USP47: variants seen among roughly 807,000 people sequenced by gnomAD.
USP47 encodes ubiquitin specific peptidase 47.
Under a neutral mutation model 165.1 loss-of-function variants are expected in USP47, and 35 were observed. That is an observed-to-expected ratio of 0.21 (90% CI 0.16 to 0.28). The LOEUF (loss-of-function observed/expected upper bound fraction) is 0.28, where lower values mean the gene tolerates loss of function less well. Ranked by LOEUF, USP47 falls within the 10% of genes least tolerant of loss-of-function variation. The pLI is 1.00. For synonymous variants in USP47, 531 were observed against 544.5 expected (o/e 0.98, Z 0.35); for missense variants, 1,277 against 1,607.4 (o/e 0.79, Z 3.52).
intron 3 of USP47, among the ~76,000 whole-genome samples, chr11:11,889,442 G>T (rs963547089): frequency 6.6e-6 from 1 of 152,030 alleles, no homozygotes; most frequent in African/African-American, 2.4e-5. Context: ...GCCAAATCAC[G>T]AATGAACTCC....
rs530195006 is a variant in USP47, at chr11:11,890,174, A to T, written c.358-1794A>T. ...ATTTCATGATGAAATTCCAAAAGCAATTGCAACAAAAGCAAAAATTGACAA... is the reference window on the plus strand; with the variant it reads ...ATTTCATGATGAAATTCCAAAAGCATTTGCAACAAAAGCAAAAATTGACAA... On this transcript the variant is annotated intron_variant, in intron 3 of 27. Coordinates refer to ENST00000527733, the MANE Select transcript of USP47 (RefSeq NM_001282659.2). Among the ~76,000 whole-genome samples the T allele has an allele frequency of 9.8e-4, 150 of 152,334 alleles. 1 individual carries two copies. The highest frequency in any genetic ancestry group is 3.4e-3 in the Middle Eastern group (1 of 294).
At chr11:11,908,654 C>G (rs547858447) in intron 8 of USP47, among the ~76,000 whole-genome samples, 2 of 151,688 alleles carry the variant, frequency 1.3e-5, no homozygotes, top group South Asian at 4.2e-4. Flanking sequence ...TGGGAGACTT[C>G]TGCAGTTTAA....
chr11:11,884,328 G>C (rs1851016914), intron 2 of USP47, 139 bp from the exon 3 acceptor site: 1 of 620,468 alleles, frequency 1.6e-6, no homozygotes, highest in Non-Finnish European at 2.7e-6. Flanking sequence ...GAATAAATGA[G>C]TTAATTCCAA....
At chr11:11,865,861 A>C (rs1240833990) in intron 1 of USP47, among the ~76,000 whole-genome samples, 2 of 151,940 alleles carry the variant, frequency 1.3e-5, no homozygotes, top group African/African-American at 4.8e-5. Flanking sequence ...TCCATTTTTT[A>C]ATCAGGGTGT....
chr11:11,946,308 G>A (rs975687938), intron 20 of USP47, among the ~76,000 whole-genome samples: 7 of 152,106 alleles, frequency 4.6e-5, no homozygotes, highest in Non-Finnish European at 8.8e-5. Context: ...ATTCATTCAG[G>A]CCAGGCCATC....
chr11:11,945,967 G>A (rs1484456997), intron 20 of USP47, among the ~76,000 whole-genome samples: 3 of 150,322 alleles, frequency 2.0e-5, no homozygotes, highest in Non-Finnish European at 4.4e-5. Context: ...AAAAGAAAAG[G>A]AAAAAGAATA....
chr11:11,925,813 TG>T (rs996860163), intron 11 of USP47, among the ~76,000 whole-genome samples: 54 of 152,112 alleles, frequency 3.6e-4, no homozygotes, highest in African/African-American at 1.3e-3. Flanking sequence ...ATCTTTGCTT[TG>T]TTCCCAATCT....
At chr11:11,953,105 A>C (rs1856330300) in intron 25 of USP47, among the ~76,000 whole-genome samples, 1 of 152,176 alleles carries the variant, frequency 6.6e-6, no homozygotes, top group African/African-American at 2.4e-5. Context: ...GCTCCTGGCC[A>C]TTCAGAAGTG....
intron 8 of USP47, among the ~76,000 whole-genome samples, chr11:11,918,217 A>G (rs960423552): frequency 6.6e-6 from 1 of 152,136 alleles, no homozygotes; most frequent in Non-Finnish European, 1.5e-5. Flanking sequence ...AATGAAGAAC[A>G]TCAGACAAAC....
intron 7 of USP47, among the ~76,000 whole-genome samples, chr11:11,904,114 A>T (rs185950657): frequency 5.3e-5 from 8 of 152,326 alleles, no homozygotes; most frequent in Non-Finnish European, 1.0e-4. Flanking sequence ...AGAGAACATC[A>T]CATAAGAGTA....
intron 24 of USP47, chr11:11,952,070 G>C (rs925467131): frequency 6.6e-6 from 1 of 152,216 alleles, no homozygotes; most frequent in African/African-American, 2.4e-5. Flanking sequence ...TTATTGACCT[G>C]TAATTTGCCA....
rs185726605 is a variant in USP47, at chr11:11,865,008, A to G, written c.40-15169A>G. ...CCTCTGTTGTGATGTGATCAGAGAA[A>G]TCTGCTGTCATTTGAATTGTTTTAC... On this transcript the variant is annotated intron_variant, in intron 1 of 27. Transcript: ENST00000527733. 9.9e-5 allele frequency among the ~76,000 whole-genome samples: 15 copies of G among 152,224 alleles called. No homozygotes were observed. In the East Asian group the frequency reaches 2.1e-3, roughly 22 times the overall value.
At chr11:11,911,638 A>T (rs1180431637) in intron 8 of USP47, among the ~76,000 whole-genome samples, 1 of 152,182 alleles carries the variant, frequency 6.6e-6, no homozygotes, top group Non-Finnish European at 1.5e-5. Context: ...AAAAGGAAAA[A>T]GACAAATCTA....
chr11:11,855,465 G>T (rs1848986365), intron 1 of USP47, among the ~76,000 whole-genome samples: 1 of 152,186 alleles, frequency 6.6e-6, no homozygotes, highest in African/African-American at 2.4e-5. Flanking sequence ...TAATTTTCAA[G>T]TATTAGTGTA....
intron 2 of USP47, among the ~76,000 whole-genome samples, chr11:11,884,218 C>T (rs555421572): frequency 1.1e-4 from 16 of 152,128 alleles, no homozygotes; most frequent in East Asian, 1.9e-4. Context: ...TCTTAACTTT[C>T]GCCTTTTCTC....
At chr11:11,882,741 C>T (rs891251327) in intron 2 of USP47, among the ~76,000 whole-genome samples, 2 of 152,106 alleles carry the variant, frequency 1.3e-5, no homozygotes, top group African/African-American at 4.8e-5. Flanking sequence ...CTTATAGTTC[C>T]TTTTTGTTAT....
chr11:11,866,750 A>G (rs1849707468), intron 1 of USP47, among the ~76,000 whole-genome samples: 1 of 152,174 alleles, frequency 6.6e-6, no homozygotes, highest in South Asian at 2.1e-4. Context: ...CTGGGATAAC[A>G]GTTATTTTCT....
At chr11:11,877,789 T>TTCTCTCTC (rs902594958) in intron 1 of USP47, among the ~76,000 whole-genome samples, 1 of 121,182 alleles carries the variant, frequency 8.3e-6, no homozygotes, top group Non-Finnish European at 1.7e-5. Flanking sequence ...CTCTCTCTCT[T>TTCTCTCTC]TCTCTCTCTC....
chr11:11,884,458 T>C lies in USP47; in HGVS notation c.244-9T>C, dbSNP rs1298464897. ...TCATAATCTGAAACATTATGTTTTATGTCCATAGGCACCACTGGATCATAC... is the reference window on the plus strand; with the variant it reads ...TCATAATCTGAAACATTATGTTTTACGTCCATAGGCACCACTGGATCATAC... On this transcript the variant is annotated splice_polypyrimidine_tract_variant and intron_variant, in intron 2 of 27. Transcript: ENST00000527733. 1.9e-6 allele frequency: 3 copies of C among 1,564,592 alleles called. No homozygotes were observed. The highest frequency in any genetic ancestry group is 2.1e-5 in the Admixed American group (1 of 48,178).
Sources: allele counts gnomAD v4.1 joint callset (sites outside exome capture counted in the v4.1 genomes callset), GRCh38; gene constraint gnomAD v4.1.1; transcripts MANE v1.5; gene names NCBI Gene and HGNC (gene_info 2026-07-23, HGNC 2026-07-21).